Variants in MGAM observed in about 807,000 individuals in gnomAD.
MGAM encodes the protein alpha-1,4-glucosidase.
In MGAM, 253 loss-of-function variants were observed where a neutral mutation model predicts 358.8. The observed-to-expected ratio is 0.71, with a 90% CI of 0.64 to 0.78. The LOEUF (loss-of-function observed/expected upper bound fraction) is 0.78, where lower values mean the gene tolerates loss of function less well. Among genes scored for constraint, MGAM ranks in the 30% least tolerant of loss-of-function variants. The probability of loss-of-function intolerance (pLI) is 0.00; values close to 1 mark genes in which losing one functional copy is unlikely to be tolerated. For synonymous variants in MGAM, 1,105 were observed against 1,227.1 expected, an observed-to-expected ratio of 0.90 and a Z score of 2.08; for missense variants, 3,080 against 3,432.6, an observed-to-expected ratio of 0.90 and a Z score of 2.57.
At chr7:142,041,593 C>T (rs1808548289) in intron 21 of MGAM, among the ~76,000 whole-genome samples, 1 of 151,638 alleles carries the variant, frequency 6.6e-6, no homozygotes, top group Non-Finnish European at 1.5e-5. Context: ...TATTCAAAAC[C>T]AATCACAACC....
chr7:142,088,802 A>G (rs1326742357), intron 57 of MGAM, among the ~76,000 whole-genome samples: 25 of 102,202 alleles, frequency 2.4e-4, no homozygotes, highest in East Asian at 1.3e-3. Context: ...TCTATCTATC[A>G]TTCTATCCTA....
chr7:142,013,194 G>T (rs1805723994), intron 3 of MGAM, among the ~76,000 whole-genome samples: 1 of 152,030 alleles, frequency 6.6e-6, no homozygotes, highest in Admixed American at 6.6e-5. Flanking sequence ...GGACAATACA[G>T]ATCAGAGCAG....
chr7:142,041,550 A>G (rs1304252379), intron 21 of MGAM, among the ~76,000 whole-genome samples: 2 of 151,988 alleles, frequency 1.3e-5, no homozygotes, highest in African/African-American at 4.8e-5. Context: ...GGTTGCTCCC[A>G]GGCTTGAAGT....
At chr7:142,099,790 G>A (rs1816288074) in intron 67 of MGAM, 53 bp downstream of exon 67, 3 of 1,595,168 alleles carry the variant, frequency 1.9e-6, no homozygotes, top group Non-Finnish European at 2.6e-6. Context: ...TCAACAATTT[G>A]TAATGAAGTC....
rs782176496 is a variant in MGAM at position 142,020,953 on chromosome 7, CT to C, written c.449-13del. On this transcript the variant is annotated intron_variant, in intron 4 of 70. Coordinates refer to ENST00000475668, the MANE Select transcript of MGAM (RefSeq NM_001365693.1). ...AATTTGCAGAGTCAACTATGAAAACCTTTTTTTTCTCCTATGTTAGGATTCA... is the reference window on the plus strand; with the variant it reads ...AATTTGCAGAGTCAACTATGAAAACCTTTTTTTCTCCTATGTTAGGATTCA... The C allele has an allele frequency of 4.0e-5, 62 of 1,550,526 alleles. No individual in the cohort carries two copies. The highest frequency in any genetic ancestry group is 1.7e-4 in the Middle Eastern group (1 of 5,970).
chr7:142,095,113 C>T (rs1388503492), intron 63 of MGAM, among the ~76,000 whole-genome samples: 1 of 152,108 alleles, frequency 6.6e-6, no homozygotes, highest in Non-Finnish European at 1.5e-5. Flanking sequence ...ACTACAGGCA[C>T]ATACCAACGT....
At chr7:141,991,224 G>C (rs939330262), upstream of MGAM, among the ~76,000 whole-genome samples, 26 of 152,182 alleles carry the variant, frequency 1.7e-4, no homozygotes, top group African/African-American at 6.0e-4. Flanking sequence ...GCCACAGTAC[G>C]CACTCTGTAG....
At chr7:142,034,569 TG>T in intron 15 of MGAM, 100 bp from the exon 16 acceptor site, 1 of 1,121,604 alleles carries the variant, frequency 8.9e-7, no homozygotes, top group Non-Finnish European at 1.3e-6. Flanking sequence ...TGGAAGAGAA[TG>T]GGTTATTCAC....
Position 142,052,947 on chromosome 7 carries a change from A to C in MGAM, c.3122A>C (p.Asp1041Ala). ...ACACCCGTGAACCCCCTTCGCCTGGATGTCACTTACCATAAGAATGAAATG... is the reference window on the plus strand; with the variant it reads ...ACACCCGTGAACCCCCTTCGCCTGGCTGTCACTTACCATAAGAATGAAATG... ...PSTPVNPLRL[D>A]VTYHKNEMLQ... The change falls in exon 26 of 71, where the codon GAT (aspartate) becomes GCT (alanine). Residue 1041 changes from aspartate to alanine, a missense_variant. By Grantham distance (126) the Asp-to-Ala change is moderately radical (BLOSUM62 -2). Transcript: ENST00000475668. 1 of 1,613,858 alleles carries C rather than the reference A, an allele frequency of 6.2e-7. No homozygotes were observed. Among genetic ancestry groups the C allele is most frequent in the South Asian group, 1.1e-5 (1 of 91,074 alleles).
intron 2 of MGAM, among the ~76,000 whole-genome samples, chr7:141,989,800 A>G (rs1803866617): frequency 6.6e-6 from 1 of 152,210 alleles, no homozygotes; most frequent in Non-Finnish European, 1.5e-5. Context: ...ACTCTCCAAA[A>G]AAAGATTTAT....
At chr7:142,076,074 T>C in intron 45 of MGAM, 129 bp from the exon 46 acceptor site, 1 of 733,246 alleles carries the variant, frequency 1.4e-6, no homozygotes, top group South Asian at 1.6e-5. Context: ...TGGAATATTA[T>C]TCATCCATAA....
At chr7:142,044,563 CGTGTAATATATGATATATAATGTATA>C (rs1809749229) in intron 21 of MGAM, among the ~76,000 whole-genome samples, 5 of 133,172 alleles carry the variant, frequency 3.8e-5, no homozygotes, top group African/African-American at 1.1e-4. Context: ...ATTATATACA[CGTGTAATATATGATATATAATGTATA>C]TTATATACAC....
chr7:142,025,792 C>T (rs1806910571), intron 8 of MGAM, among the ~76,000 whole-genome samples: 1 of 151,982 alleles, frequency 6.6e-6, no homozygotes, highest in African/African-American at 2.4e-5. Context: ...GGAAATTAAA[C>T]AAAATAAAGA....
At position 142,082,113 on chromosome 7, in the gene MGAM, A is replaced by C. The variant is rs762607486; in HGVS notation, c.6074A>C (p.Lys2025Thr). The C allele has an allele frequency of 3.2e-5, 50 of 1,555,602 alleles. 4 individuals carry two copies. The highest frequency in any genetic ancestry group is 1.3e-4 in the African/African-American group (10 of 74,428). ...CGCATCTCCACCCGCCTTCCCTCCA[A>C]GTACCTCTATGGCTTTGGGGAGACT... is the stretch of plus-strand genomic sequence containing the variant. ...FIRISTRLPS[K>T]YLYGFGETEH... The change falls in exon 51 of 71, where the codon AAG becomes ACG. Residue 2025 changes from lysine (K) to threonine (T), a missense_variant. Physicochemically the swap from Lys to Thr is moderately conservative, Grantham distance 78. Coordinates refer to ENST00000475668, the MANE Select transcript of MGAM (RefSeq NM_001365693.1).
chr7:141,997,721 A>G (rs1337907538), intron 1 of MGAM, among the ~76,000 whole-genome samples: 1 of 152,162 alleles, frequency 6.6e-6, no homozygotes, highest in African/African-American at 2.4e-5. Context: ...CCAAGGTCAT[A>G]CAGCTGGCTA....
At position 142,085,789 on chromosome 7, in the gene MGAM, G is replaced by T; in HGVS notation, c.6508-44G>T. 1.9e-6 allele frequency: 3 copies of T among 1,548,386 alleles called. 1 individual carries two copies. The highest frequency in any genetic ancestry group is 2.7e-6 in the Non-Finnish European group (3 of 1,129,968). ...AGGCTTGTTCTCCTATAAAGCTTGG[G>T]CGTGTACAGCAGCAGCCTCTCAGCT... On this transcript the variant is annotated intron_variant, in intron 54 of 70. Coordinates refer to ENST00000475668, the MANE Select transcript of MGAM (RefSeq NM_001365693.1).
At chr7:142,042,044 AT>A (rs540830591) in intron 21 of MGAM, among the ~76,000 whole-genome samples, 3,980 of 45,310 alleles carry the variant, frequency 0.088, 755 homozygotes, top group African/African-American at 0.36. Flanking sequence ...TATACATATA[AT>A]ATATAATATA....
chr7:142,065,004 G>C (rs927805018), intron 37 of MGAM, among the ~76,000 whole-genome samples: 1 of 152,184 alleles, frequency 6.6e-6, no homozygotes, highest in Non-Finnish European at 1.5e-5. Flanking sequence ...ATTCTTCTAA[G>C]AGGATCTTAT....
intron 57 of MGAM, among the ~76,000 whole-genome samples, chr7:142,087,750 T>C (rs1814891670): frequency 1.4e-5 from 2 of 146,520 alleles, no homozygotes; most frequent in African/African-American, 4.9e-5. Context: ...GTATATGTTG[T>C]AGTGTCTAGA....
Sources: allele counts gnomAD v4.1 joint callset (sites outside exome capture counted in the v4.1 genomes callset), GRCh38; gene constraint gnomAD v4.1.1; transcripts MANE v1.5; gene names NCBI Gene and HGNC (gene_info 2026-07-23, HGNC 2026-07-21).